Variants in MAPK4 observed in about 807,000 individuals in gnomAD.
MAPK4 encodes the protein Erk3-related.
In MAPK4, 22 loss-of-function variants were observed where a neutral mutation model predicts 47.7. The observed-to-expected ratio is 0.46, with a 90% CI of 0.33 to 0.66. The LOEUF (loss-of-function observed/expected upper bound fraction) is 0.66, where lower values mean the gene tolerates loss of function less well. MAPK4 is among the 30% of genes least tolerant of loss of function. The pLI is 0.02. For missense variants in MAPK4, 736 were observed against 831.7 expected (o/e 0.88, Z 1.42); for synonymous variants, 390 against 365.7 (o/e 1.07, Z -0.76).
At chr18:50,615,507 G>T (rs1299313606) in intron 1 of MAPK4, among the ~76,000 whole-genome samples, 1 of 152,152 alleles carries the variant, frequency 6.6e-6, no homozygotes, top group African/African-American at 2.4e-5. Context: ...AGGATGAAAG[G>T]CAGGACATGC....
intron 2 of MAPK4, among the ~76,000 whole-genome samples, chr18:50,688,067 A>C (rs1908989985): frequency 6.6e-6 from 1 of 152,160 alleles, no homozygotes; most frequent in Non-Finnish European, 1.5e-5. Context: ...CCTCATCCCC[A>C]GCTTGGTGCT....
At chr18:50,569,108 A>G (rs1291828943) in intron 1 of MAPK4, among the ~76,000 whole-genome samples, 1 of 152,100 alleles carries the variant, frequency 6.6e-6, no homozygotes, top group Non-Finnish European at 1.5e-5. Context: ...TTATGTTGTC[A>G]TGTCTCCTTG....
chr18:50,656,966 G>A (rs1441659965), intron 1 of MAPK4, among the ~76,000 whole-genome samples: 2 of 152,148 alleles, frequency 1.3e-5, no homozygotes, highest in East Asian at 1.9e-4. Context: ...GTCTCTCTTG[G>A]CAAGAAAGCT....
chr18:50,720,528 G>A (rs911661217), intron 3 of MAPK4, among the ~76,000 whole-genome samples: 4 of 152,156 alleles, frequency 2.6e-5, no homozygotes, highest in East Asian at 1.9e-4. Flanking sequence ...CATTGATCTC[G>A]GGCAGGAGCA....
Position 50,726,113 on chromosome 18 carries a change from C to G in MAPK4, c.1005C>G (p.Asp335Glu). ...CCTTCCGCATTGAGGATGAGATCGACGACATCGTGCTGATGGCCGCTAACC... is the reference window on the plus strand; with the variant it reads ...CCTTCCGCATTGAGGATGAGATCGAGGACATCGTGCTGATGGCCGCTAACC... ...QHPFRIEDEI[D>E]DIVLMAANQS... Residue 335 changes from aspartate to glutamate, a missense_variant, in exon 5 of 6, where the codon GAC (aspartate) becomes GAG (glutamate). By Grantham distance (45) the Asp-to-Glu change is conservative. Around this residue, in one of 3 missense-constraint regions of MAPK4, gnomAD observed 377 missense variants for 378.6 expected, o/e 1.00. Coordinates refer to ENST00000400384, the MANE Select transcript of MAPK4 (RefSeq NM_002747.4). The G allele has an allele frequency of 6.2e-7, 1 of 1,614,178 alleles. No individual in the cohort carries two copies. The highest frequency in any genetic ancestry group is 8.5e-7 in the Non-Finnish European group (1 of 1,180,032).
At chr18:50,727,913 T>C (rs1911291593) in intron 5 of MAPK4, among the ~76,000 whole-genome samples, 1 of 152,186 alleles carries the variant, frequency 6.6e-6, no homozygotes, top group East Asian at 1.9e-4. Context: ...GCACTTGGAA[T>C]AGAGCAGCCA....
intron 1 of MAPK4, among the ~76,000 whole-genome samples, chr18:50,649,455 T>C (rs1374291013): frequency 2.0e-5 from 3 of 152,166 alleles, no homozygotes; most frequent in African/African-American, 7.2e-5. Context: ...CCACGCTCAA[T>C]GACAACATCC....
At chr18:50,607,284 A>T (rs2042590871) in intron 1 of MAPK4, among the ~76,000 whole-genome samples, 1 of 152,212 alleles carries the variant, frequency 6.6e-6, no homozygotes, top group African/African-American at 2.4e-5. Flanking sequence ...AGAAAAAGAA[A>T]ATGGAATTTT....
intron 1 of MAPK4, chr18:50,560,526 GGGC>G (rs2042143774): frequency 6.6e-6 from 1 of 152,502 alleles, no homozygotes; most frequent in African/African-American, 2.4e-5. Flanking sequence ...GGTTGCCGCT[GGGC>G]TCCTCGCGTT....
intron 2 of MAPK4, among the ~76,000 whole-genome samples, chr18:50,714,124 G>A (rs996571943): frequency 5.3e-5 from 8 of 152,160 alleles, no homozygotes; most frequent in Admixed American, 2.6e-4. Flanking sequence ...GCTAAACTGC[G>A]AAGTAAAAGA....
At chr18:50,573,594 C>G (rs1272388246) in intron 1 of MAPK4, among the ~76,000 whole-genome samples, 1 of 152,210 alleles carries the variant, frequency 6.6e-6, no homozygotes, top group Admixed American at 6.5e-5. Flanking sequence ...GCTCAGGGCT[C>G]TCACTGATTC....
At position 50,726,119 on chromosome 18, in the gene MAPK4, C is replaced by T. The variant is rs1370011907; in HGVS notation, c.1011C>T (p.Ile337=). The part of the protein sequence containing the change: ...PFRIEDEIDD[I]VLMAANQSQL... ...GCATTGAGGATGAGATCGACGACATCGTGCTGATGGCCGCTAACCAGAGCC... is the reference window on the plus strand; with the variant it reads ...GCATTGAGGATGAGATCGACGACATTGTGCTGATGGCCGCTAACCAGAGCC... The change falls in exon 5 of 6, where the codon ATC becomes ATT. Residue 337 remains isoleucine (I), a synonymous_variant. Transcript: ENST00000400384. 4 of 1,614,060 alleles carry T rather than the reference C, an allele frequency of 2.5e-6. No individual in the cohort carries two copies. Among genetic ancestry groups the T allele is most frequent in the Admixed American group, 3.3e-5 (2 of 60,004 alleles).
rs372963227 is a variant in MAPK4 at position 50,694,210 on chromosome 18, G to A, written c.547-20869G>A. ...TGGCCATCAGAATGACCTCCCTCAA[G>A]GATGCCACAATCTTGCTGGACACAG... On this transcript the variant is annotated intron_variant, in intron 2 of 5. Transcript: ENST00000400384. Among the ~76,000 whole-genome samples the A allele has an allele frequency of 2.0e-5, 3 of 152,280 alleles. No homozygotes were observed. The East Asian group carries it at 5.8e-4, about 29-fold the overall frequency.
At position 50,731,721 on chromosome 18, in the gene MAPK4, T is replaced by C. The variant is rs979342422; in HGVS notation, c.*1867T>C. Reference sequence around the variant, plus strand: ...CCTTGACCAGGAGTTCATATATAACTGTTATTACAGAGGAATTGTTATAAC... The same window carrying C: ...CCTTGACCAGGAGTTCATATATAACCGTTATTACAGAGGAATTGTTATAAC... On this transcript the variant is annotated 3_prime_UTR_variant, in exon 6 of 6. Transcript: ENST00000400384. 6.6e-6 allele frequency: 1 copy of C among 152,238 alleles called. No homozygotes were observed. Among genetic ancestry groups the C allele is most frequent in the Non-Finnish European group, 1.5e-5 (1 of 68,048 alleles). The allele number at this position is 152,238 out of a possible 1,614,324, so 9.4% of individuals were successfully genotyped here. A position where few individuals can be genotyped will look rare whatever the true frequency, so the allele number is the denominator to read the frequency against.
intron 1 of MAPK4, among the ~76,000 whole-genome samples, chr18:50,651,572 T>G (rs559341671): frequency 4.6e-5 from 7 of 152,202 alleles, no homozygotes; most frequent in Non-Finnish European, 1.0e-4. Context: ...GTGATCTCTG[T>G]GGCATGTGGG....
At chr18:50,592,552 T>G (rs1197383854) in intron 1 of MAPK4, among the ~76,000 whole-genome samples, 43 of 152,232 alleles carry the variant, frequency 2.8e-4, no homozygotes, top group Non-Finnish European at 2.9e-5. Flanking sequence ...GTCTTCTTTC[T>G]TTCTGGCTTA....
At chr18:50,652,670 G>C (rs990872023) in intron 1 of MAPK4, among the ~76,000 whole-genome samples, 7 of 152,220 alleles carry the variant, frequency 4.6e-5, no homozygotes, top group Non-Finnish European at 1.0e-4. Context: ...TAGGAATTAG[G>C]TGCTGAGAAT....
chr18:50,682,202 TTAAAA>T (rs1378410993), intron 2 of MAPK4, among the ~76,000 whole-genome samples: 1 of 152,170 alleles, frequency 6.6e-6, no homozygotes, highest in Non-Finnish European at 1.5e-5. Context: ...ATAGTACACT[TTAAAA>T]TGGTGAATTT....
chr18:50,616,896 C>T (rs1978691945), intron 1 of MAPK4, among the ~76,000 whole-genome samples: 1 of 152,178 alleles, frequency 6.6e-6, no homozygotes, highest in Admixed American at 6.5e-5. Flanking sequence ...CTGGCAACAC[C>T]CTCATAGACA....
Sources: gnomAD v4.1 joint callset for allele counts (sites outside exome capture counted in the v4.1 genomes callset) on GRCh38, gnomAD v4.1.1 for gene constraint, gnomAD v4.1.1 regional missense constraint, MANE v1.5 for transcripts, NCBI Gene and HGNC (gene_info 2026-07-23, HGNC 2026-07-21) for gene names.